Variants in CDON observed in about 807,000 individuals in gnomAD.
CDON encodes the protein cell adhesion associated, oncogene regulated.
A neutral mutation model predicts 120.9 loss-of-function variants in CDON; 73 were observed. That is an observed-to-expected ratio of 0.60 (90% CI 0.50 to 0.73). The LOEUF is 0.73. Ranked by LOEUF, CDON falls within the 30% of genes least tolerant of loss-of-function variation. The pLI is 0.00. For missense variants in CDON, 1,470 were observed against 1,587.3 expected, an observed-to-expected ratio of 0.93 and a Z score of 1.26; for synonymous variants, 566 against 573.5, an observed-to-expected ratio of 0.99 and a Z score of 0.19.
At chr11:126,053,878 C>T (rs1315663502) in intron 1 of CDON, among the ~76,000 whole-genome samples, 2 of 151,862 alleles carry the variant, frequency 1.3e-5, no homozygotes, top group Non-Finnish European at 2.9e-5. Flanking sequence ...CTGTTATTCA[C>T]TGTGTTGTTG....
At chr11:126,030,718 T>C (rs190360316) in intron 1 of CDON, among the ~76,000 whole-genome samples, 7 of 152,210 alleles carry the variant, frequency 4.6e-5, no homozygotes, top group African/African-American at 1.7e-4. Context: ...AAATTCTTCA[T>C]TAAGTACTAT....
chr11:125,985,470 G>A (rs1030619202), intron 15 of CDON, among the ~76,000 whole-genome samples: 3 of 152,170 alleles, frequency 2.0e-5, no homozygotes, highest in Admixed American at 1.3e-4. Flanking sequence ...GTAAGCCACC[G>A]TGCCTAGCTA....
intron 1 of CDON, among the ~76,000 whole-genome samples, chr11:126,047,071 T>C (rs1948423559): frequency 6.6e-6 from 1 of 152,218 alleles, no homozygotes; most frequent in Non-Finnish European, 1.5e-5. Flanking sequence ...CTATTACCAG[T>C]AAAGTTAGCA....
In CDON at chr11:126,019,726, G is replaced by C; in HGVS notation, c.389C>G (p.Thr130Arg). ...GAAACCAGCACTTTTTTCTTCTGCTGTAATAACATGCTTTGTGGATGAACC... is the reference window on the plus strand; with the variant it reads ...GAAACCAGCACTTTTTTCTTCTGCTCTAATAACATGCTTTGTGGATGAACC... ...DFGSSTKHVI[T>R]AEEKSAGFIG... Residue 130 changes from threonine (T) to arginine (R), a missense_variant, in exon 4 of 20, where the codon ACA becomes AGA. By Grantham distance (71) the Thr-to-Arg change is moderately conservative. Transcript: ENST00000531738. 6.2e-7 allele frequency: 1 copy of C among 1,613,848 alleles called. No individual in the cohort carries two copies. Among genetic ancestry groups the C allele is most frequent in the South Asian group, 1.1e-5 (1 of 91,082 alleles).
In CDON at chr11:125,995,010, C is replaced by G; in HGVS notation, c.2405G>C (p.Gly802Ala). The G allele has an allele frequency of 6.2e-7, 1 of 1,614,094 alleles. No individual in the cohort carries two copies. Among genetic ancestry groups the G allele is most frequent in the Non-Finnish European group, 8.5e-7 (1 of 1,179,994 alleles). ...AGATGCTGAACTCCGAAAACTCTCA[C>G]CATAATGGTTGATGGCAATGACCCT... ...KFRVIAINHY[G>A]ESFRSSASRP... The change falls in exon 13 of 20, where the codon GGT becomes GCT. Residue 802 changes from glycine to alanine, a missense_variant. By Grantham distance (60) the Gly-to-Ala change is moderately conservative. Coordinates refer to ENST00000531738, the MANE Select transcript of CDON (RefSeq NM_001378964.1).
Position 125,995,004 on chromosome 11 carries a change from C to T in CDON, c.2411G>A (p.Ser804Asn), listed in dbSNP as rs1946740983. Residue 804 changes from serine (S) to asparagine (N), a missense_variant, in exon 13 of 20, where the codon AGT (serine) becomes AAT (asparagine). Ser to Asn is a conservative substitution (Grantham distance 46). Transcript: ENST00000531738. The stretch of plus-strand genomic sequence containing the variant: ...AGGACGAGATGCTGAACTCCGAAAA[C>T]TCTCACCATAATGGTTGATGGCAAT... ...RVIAINHYGE[S>N]FRSSASRPYQ... The T allele has an allele frequency of 1.3e-5, 21 of 1,614,046 alleles. No individual in the cohort carries two copies. Among genetic ancestry groups the T allele is most frequent in the South Asian group, 2.2e-5 (2 of 91,084 alleles).
rs71048763 is a variant in CDON, at chr11:126,040,814, CAAAAAAAA to C, written c.-61-17285_-61-17278del. On this transcript the variant is annotated intron_variant, in intron 1 of 19. Transcript: ENST00000531738. ...CGGGCAACAGAGAAAGACTCCGTCT[CAAAAAAAA>C]AAAAAAAAAAAAAAAAAAAAAAAAG... Among the ~76,000 whole-genome samples the C allele has an allele frequency of 1.6e-4, 7 of 45,016 alleles. 1 individual carries two copies. The highest frequency in any genetic ancestry group is 4.1e-4 in the African/African-American group (5 of 12,212). The allele number at this position is 45,016 out of a possible 152,430, so 29.5% of individuals were successfully genotyped here. A position where few individuals can be genotyped will look rare whatever the true frequency, so the allele number is the denominator to read the frequency against.
intron 16 of CDON, among the ~76,000 whole-genome samples, chr11:125,981,790 C>T (rs1003215316): frequency 3.3e-5 from 5 of 151,880 alleles, no homozygotes; most frequent in Admixed American, 2.0e-4. Context: ...CTGAAAAAAA[C>T]TGCATAAAAT....
At chr11:126,015,137 G>T in intron 7 of CDON, 104 bp downstream of exon 7, 2 of 1,118,454 alleles carry the variant, frequency 1.8e-6, no homozygotes, top group Non-Finnish European at 2.7e-6. Context: ...CTTGTACGGT[G>T]CTAGGGTTAT....
At chr11:126,047,344 T>C (rs558089959) in intron 1 of CDON, among the ~76,000 whole-genome samples, 13 of 152,278 alleles carry the variant, frequency 8.5e-5, no homozygotes, top group Non-Finnish European at 1.3e-4. Flanking sequence ...CCATTACCTA[T>C]TACAGCACTC....
rs766607815 is a variant in CDON, at chr11:125,994,339, A to C, written c.2595T>G (p.Tyr865Ter). The change falls in exon 14 of 20, where the codon TAT becomes TAG. Residue 865 changes from tyrosine (Y) to a stop codon, truncating the protein, a stop_gained. Coordinates refer to ENST00000531738, the MANE Select transcript of CDON (RefSeq NM_001378964.1). LOFTEE classifies it high-confidence loss of function. ...NNTPIQGFYI[Y>*]YRPTDSDNDS... The stretch of plus-strand genomic sequence containing the variant: ...CATTGTCACTATCTGTTGGTCGGTA[A>C]TAGATATAAAATCCTTGAATGGGAG... 6.2e-7 allele frequency: 1 copy of C among 1,603,524 alleles called. No individual in the cohort carries two copies. The highest frequency in any genetic ancestry group is 8.5e-7 in the Non-Finnish European group (1 of 1,170,442).
Position 125,980,030 on chromosome 11 carries a change from A to C in CDON, c.3276+1019T>G, listed in dbSNP as rs918697587. 3.9e-5 allele frequency among the ~76,000 whole-genome samples: 6 copies of C among 152,130 alleles called. No individual in the cohort carries two copies. The East Asian group carries it at 1.2e-3, about 29-fold the overall frequency. ...TAAACTGAAGATGGGGGGAAAAAAA[A>C]CTCTAAGCTTCTTCAAATTGTAGCA... On this transcript the variant is annotated intron_variant, in intron 17 of 19. Coordinates refer to ENST00000531738, the MANE Select transcript of CDON (RefSeq NM_001378964.1).
chr11:125,962,068 G>T, intron 18 of CDON, 70 bp from the exon 19 acceptor site: 1 of 1,209,990 alleles, frequency 8.3e-7, no homozygotes, highest in Non-Finnish European at 1.2e-6. Flanking sequence ...AGCCTATTCT[G>T]AAATATCATT....
chr11:126,027,941 A>C (rs915611191), intron 1 of CDON, among the ~76,000 whole-genome samples: 2 of 151,588 alleles, frequency 1.3e-5, no homozygotes, highest in Non-Finnish European at 2.9e-5. Flanking sequence ...TGTCAGATAG[A>C]ATAGAATTCT....
chr11:125,957,743 G>C lies in CDON; in HGVS notation c.*3199C>G, dbSNP rs1410395512. 1 of 152,142 alleles carries C rather than the reference G, an allele frequency of 6.6e-6. No individual in the cohort carries two copies. The highest frequency in any genetic ancestry group is 2.4e-5 in the African/African-American group (1 of 41,424). The allele number at this position is 152,142 out of a possible 1,614,324, so 9.4% of individuals were successfully genotyped here. A position where few individuals can be genotyped will look rare whatever the true frequency, so the allele number is the denominator to read the frequency against. Reference sequence around the variant, plus strand: ...GCATTGAGTCTTCATAGACTCATTCGACAAAAACACCCAGAAAGAAAGGCT... The same window carrying C: ...GCATTGAGTCTTCATAGACTCATTCCACAAAAACACCCAGAAAGAAAGGCT... On this transcript the variant is annotated 3_prime_UTR_variant, in exon 20 of 20. Transcript: ENST00000531738.
Position 125,956,965 on chromosome 11 carries a change from T to A in CDON, c.*3977A>T, listed in dbSNP as rs940589752. On this transcript the variant is annotated 3_prime_UTR_variant, in exon 20 of 20. Transcript: ENST00000531738. ...GGGCCACACCCGATGCAAAAGACTT[T>A]GCTGGCTTTCTGGTCAGACAAGCCT... 1.5e-6 allele frequency: 1 copy of A among 675,912 alleles called. No homozygotes were observed. The highest frequency in any genetic ancestry group is 1.8e-6 in the Non-Finnish European group (1 of 547,498). The allele number at this position is 675,912 out of a possible 1,614,324, so 41.9% of individuals were successfully genotyped here. A position where few individuals can be genotyped will look rare whatever the true frequency, so the allele number is the denominator to read the frequency against.
rs1382278950 is a variant in CDON, at chr11:126,023,450, A to T, written c.27T>A (p.Cys9Ter). The change falls in exon 2 of 20, where the codon TGT becomes TGA. Residue 9 changes from cysteine to a stop codon, truncating the protein, a stop_gained. Coordinates refer to ENST00000531738, the MANE Select transcript of CDON (RefSeq NM_001378964.1). LOFTEE classifies it high-confidence loss of function. ...TTGTAAGAGTAACATACAGCAGTGT[A>T]CATAAGGGTCCAAGATCCGGATGCA... MHPDLGPL[C>*]TLLYVTLTIL... 6.2e-7 allele frequency: 1 copy of T among 1,613,544 alleles called. No individual in the cohort carries two copies. The highest frequency in any genetic ancestry group is 1.7e-5 in the Admixed American group (1 of 60,024).
chr11:126,062,401 C>A (rs1262362949), intron 1 of CDON, among the ~76,000 whole-genome samples, 178 bp downstream of exon 1: 1 of 151,800 alleles, frequency 6.6e-6, no homozygotes, highest in Non-Finnish European at 1.5e-5. Flanking sequence ...CCGGGGCTCC[C>A]CGCCGGGCAA....
chr11:126,054,556 G>A lies in CDON; in HGVS notation c.-62+8023C>T, dbSNP rs565805235. ...TCACTGAATTTTTACGAGCAAAATCGTGTGTTGAAATCATTCATGGATCTA... is the reference window on the plus strand; with the variant it reads ...TCACTGAATTTTTACGAGCAAAATCATGTGTTGAAATCATTCATGGATCTA... On this transcript the variant is annotated intron_variant, in intron 1 of 19. Transcript: ENST00000531738. Among the ~76,000 whole-genome samples, 11 of 152,184 alleles carry A rather than the reference G, an allele frequency of 7.2e-5. No individual in the cohort carries two copies. The South Asian group carries it at 2.1e-3, about 29-fold the overall frequency.
Sources: allele counts gnomAD v4.1 joint callset (sites outside exome capture counted in the v4.1 genomes callset), GRCh38; gene constraint gnomAD v4.1.1; transcripts MANE v1.5; gene names NCBI Gene and HGNC (gene_info 2026-07-23, HGNC 2026-07-21).